The following MBNL3 variants were observed in gnomAD, a reference collection of about 807,000 sequenced individuals.
The protein encoded by MBNL3 is muscleblind like splicing regulator 3, also known as muscleblind-like protein 3.
Under a neutral mutation model 24.5 loss-of-function variants are expected in MBNL3, and 6 were observed. The observed-to-expected ratio is 0.25, with a 90% CI of 0.13 to 0.48. The LOEUF (loss-of-function observed/expected upper bound fraction) is 0.48. Ranked by LOEUF, MBNL3 falls within the 20% of genes least tolerant of loss-of-function variation. MBNL3 has a pLI of 0.99. For synonymous variants in MBNL3, 100 were observed against 101.7 expected, an observed-to-expected ratio of 0.98 and a Z score of 0.10; for missense variants, 230 against 293.5, an observed-to-expected ratio of 0.78 and a Z score of 1.58.
chrX:132,474,817 G>GA (rs1232505448), intron 1 of MBNL3, among the ~76,000 whole-genome samples: 1 of 110,064 alleles, frequency 9.1e-6, no homozygotes, highest in Non-Finnish European at 1.9e-5. Flanking sequence ...TCATATATCT[G>GA]AAAAAAAGTC....
chrX:132,427,362 C>CT (rs1426816664), intron 2 of MBNL3, among the ~76,000 whole-genome samples: 1 of 110,842 alleles, frequency 9.0e-6, no homozygotes, highest in Admixed American at 9.6e-5. Context: ...ATATAGAACA[C>CT]TTTTTTTGGT....
In MBNL3 at chrX:132,371,474, A is replaced by G. The variant is rs770786718; in HGVS notation, c.*8192T>C. 1.2e-4 allele frequency: 14 copies of G among 112,400 alleles called. No homozygotes were observed. Among genetic ancestry groups the G allele is most frequent in the Non-Finnish European group, 2.3e-4 (12 of 53,263 alleles). 9.3% of individuals were successfully genotyped at this position (112,400 alleles called of 1,213,427 possible). A position where few individuals can be genotyped will look rare whatever the true frequency, so the allele number is the denominator to read the frequency against. On this transcript the variant is annotated 3_prime_UTR_variant, in exon 9 of 9. Transcript: ENST00000370853. ...CTTTTATTACTGTGCCATTTGTTGA[A>G]GATAACCAATTTTAAGTGAGAGAAA...
intron 2 of MBNL3, among the ~76,000 whole-genome samples, chrX:132,420,253 G>A (rs191584376): frequency 2.7e-4 from 30 of 112,216 alleles, no homozygotes; most frequent in Admixed American, 2.8e-4. Flanking sequence ...CCTTTAGCCC[G>A]ATCGGGAGCG....
At chrX:132,455,797 C>G (rs1394399038) in intron 1 of MBNL3, among the ~76,000 whole-genome samples, 1 of 112,002 alleles carries the variant, frequency 8.9e-6, no homozygotes, top group Non-Finnish European at 1.9e-5. Context: ...AGGACATCTT[C>G]TGTAGCTTTA....
At chrX:132,488,433 A>C (rs1428764219) in intron 1 of MBNL3, among the ~76,000 whole-genome samples, 1 of 111,616 alleles carries the variant, frequency 9.0e-6, no homozygotes, top group East Asian at 2.8e-4. Context: ...TTCAAACCCC[A>C]GTAGTAAAAG....
At chrX:132,447,649 T>C (rs1193973892) in intron 1 of MBNL3, among the ~76,000 whole-genome samples, 2 of 112,242 alleles carry the variant, frequency 1.8e-5, no homozygotes, top group Non-Finnish European at 3.8e-5. Context: ...AAGGAGATTT[T>C]GGGCTGAGAC....
intron 2 of MBNL3, chrX:132,430,695 C>T (rs1349699467): frequency 8.9e-6 from 1 of 112,008 alleles, no homozygotes; most frequent in Non-Finnish European, 1.9e-5. Context: ...TATATCTTAT[C>T]ACTCATTATG....
At chrX:132,399,660 T>C (rs756294336) in intron 3 of MBNL3, among the ~76,000 whole-genome samples, 2 of 110,136 alleles carry the variant, frequency 1.8e-5, no homozygotes, top group South Asian at 7.8e-4. Context: ...TGTAAATGAA[T>C]ATTTAACAGA....
chrX:132,393,073 T>C (rs1156250817), intron 3 of MBNL3, among the ~76,000 whole-genome samples: 3 of 111,408 alleles, frequency 2.7e-5, no homozygotes. Flanking sequence ...TGTGTAATAA[T>C]CACATCAGGG....
chrX:132,470,432 G>A (rs930700666), intron 1 of MBNL3, among the ~76,000 whole-genome samples: 3 of 110,751 alleles, frequency 2.7e-5, no homozygotes, highest in African/African-American at 9.8e-5. Context: ...GAAAAGGAGA[G>A]TGAAATAGGA....
chrX:132,471,561 C>G (rs925335706), intron 1 of MBNL3, among the ~76,000 whole-genome samples: 7 of 112,571 alleles, frequency 6.2e-5, no homozygotes, highest in Non-Finnish European at 1.1e-4. Flanking sequence ...TGGCACATGC[C>G]TCTGGTGCCA....
At chrX:132,428,704 CA>C (rs1944505884) in intron 2 of MBNL3, among the ~76,000 whole-genome samples, 1 of 111,754 alleles carries the variant, frequency 8.9e-6, no homozygotes, top group Non-Finnish European at 1.9e-5. Context: ...ATGGTACATG[CA>C]GAAAGGTCAT....
chrX:132,392,351 G>GA lies in MBNL3; in HGVS notation c.343-18dup. Reference sequence around the variant, plus strand: ...AAAAGAACCCTGTATGTTTAAAAGAGAAAAAAAGATGTTAGAGGTAAAGAT... The same window carrying GA: ...AAAAGAACCCTGTATGTTTAAAAGAGAAAAAAAAGATGTTAGAGGTAAAGAT... On this transcript the variant is annotated splice_polypyrimidine_tract_variant and intron_variant, in intron 3 of 8. Coordinates refer to ENST00000370853, the MANE Select transcript of MBNL3 (RefSeq NM_001386889.1). 4.4e-6 allele frequency: 5 copies of GA among 1,142,189 alleles called. No homozygotes were observed. Among genetic ancestry groups the GA allele is most frequent in the Admixed American group, 2.7e-5 (1 of 37,706 alleles). The allele number at this position is 1,142,189 out of a possible 1,213,427, so 94.1% of individuals were successfully genotyped here. A position where few individuals can be genotyped will look rare whatever the true frequency, so the allele number is the denominator to read the frequency against.
At chrX:132,467,977 A>G (rs1458787008) in intron 1 of MBNL3, among the ~76,000 whole-genome samples, 3 of 112,080 alleles carry the variant, frequency 2.7e-5, no homozygotes, top group Admixed American at 9.5e-5. Context: ...CAGAACTCCC[A>G]AACACTGCCA....
chrX:132,442,512 T>C (rs1311498719), intron 1 of MBNL3, among the ~76,000 whole-genome samples: 1 of 112,048 alleles, frequency 8.9e-6, no homozygotes, highest in Non-Finnish European at 1.9e-5. Context: ...AACCCAATTA[T>C]ATAGTCTGCC....
chrX:132,449,982 C>T (rs1487279265), intron 1 of MBNL3, among the ~76,000 whole-genome samples: 1 of 60,104 alleles, frequency 1.7e-5, no homozygotes, highest in African/African-American at 5.5e-5. Flanking sequence ...ATATTGCCCC[C>T]CCCCCCCCCC....
At chrX:132,382,366 C>T (rs775774156) in intron 7 of MBNL3, 94 bp from the exon 8 acceptor site, 53 of 647,736 alleles carry the variant, frequency 8.2e-5, no homozygotes, top group Non-Finnish European at 1.1e-4. Flanking sequence ...GTAGGTATCA[C>T]AGCAACAAGC....
intron 1 of MBNL3, among the ~76,000 whole-genome samples, chrX:132,450,460 A>C (rs1946039113): frequency 9.0e-6 from 1 of 111,565 alleles, no homozygotes; most frequent in African/African-American, 3.3e-5. Flanking sequence ...CAATTCAGCT[A>C]TTGATACTTT....
intron 2 of MBNL3, among the ~76,000 whole-genome samples, chrX:132,425,610 C>CA (rs1424255809): frequency 9.0e-6 from 1 of 111,340 alleles, no homozygotes; most frequent in Non-Finnish European, 1.9e-5. Context: ...CCTTTTTCCA[C>CA]AAAATCCCTT....
Sources: gnomAD v4.1 joint callset for allele counts (sites outside exome capture counted in the v4.1 genomes callset) on GRCh38, gnomAD v4.1.1 for gene constraint, MANE v1.5 for transcripts, NCBI Gene and HGNC (gene_info 2026-07-23, HGNC 2026-07-21) for gene names.